Variants in MED24 observed in about 807,000 individuals in gnomAD.
The protein encoded by MED24 is mediator of RNA polymerase II transcription subunit 24.
Under a neutral mutation model 118.8 loss-of-function variants are expected in MED24, and 74 were observed. The ratio of observed to expected loss-of-function variants is 0.62; its 90% CI spans 0.52 to 0.76. MED24 has a LOEUF of 0.76. Among genes scored for constraint, MED24 ranks in the 30% least tolerant of loss-of-function variants. The pLI, the probability that MED24 is intolerant of heterozygous loss-of-function variation, is 0.00. For synonymous variants in MED24, 521 were observed against 523.9 expected (o/e 0.99, Z 0.08); for missense variants, 1,041 against 1,278.9 (o/e 0.81, Z 2.84).
At chr17:40,021,613 C>T (rs540803475) in intron 23 of MED24, among the ~76,000 whole-genome samples, 1 of 152,308 alleles carries the variant, frequency 6.6e-6, no homozygotes, top group East Asian at 1.9e-4. Context: ...GCTGGTGAGT[C>T]AATGGCACAG....
intron 16 of MED24, 141 bp from the exon 17 acceptor site, chr17:40,027,175 C>T: frequency 8.5e-7 from 1 of 1,179,814 alleles, no homozygotes. Flanking sequence ...CTAAGGGAGC[C>T]AGACGGGGGC....
intron 24 of MED24, 42 bp downstream of exon 24, chr17:40,020,231 C>A: frequency 6.8e-7 from 1 of 1,468,704 alleles, no homozygotes; most frequent in South Asian, 1.4e-5. Context: ...AGAGACTCGT[C>A]CAGCTTAGCC....
chr17:40,045,665 G>A (rs185426531), intron 3 of MED24, among the ~76,000 whole-genome samples: 233 of 152,042 alleles, frequency 1.5e-3, no homozygotes, highest in South Asian at 2.7e-3. Context: ...CGCACCTGTA[G>A]TCCAAGCTAC....
intron 20 of MED24, 59 bp from the exon 21 acceptor site, chr17:40,022,885 C>T: frequency 2.5e-6 from 4 of 1,569,012 alleles, no homozygotes; most frequent in South Asian, 2.3e-5. Context: ...GGGGCTCCTA[C>T]ACCCTGCCAC....
chr17:40,044,875 T>C (rs1178732058), intron 3 of MED24, among the ~76,000 whole-genome samples: 2 of 116,878 alleles, frequency 1.7e-5, no homozygotes, highest in African/African-American at 7.4e-5. Flanking sequence ...CGAGACTCCA[T>C]CTCAAAAAAA....
intron 13 of MED24, 31 bp downstream of exon 13, chr17:40,029,717 G>C: frequency 6.3e-7 from 1 of 1,582,956 alleles, no homozygotes; most frequent in Non-Finnish European, 8.7e-7. Flanking sequence ...AGAAAGAGAA[G>C]ACTGTGGTGG....
intron 12 of MED24, among the ~76,000 whole-genome samples, chr17:40,030,537 A>G (rs1598345514): frequency 6.6e-6 from 1 of 151,710 alleles, no homozygotes; most frequent in South Asian, 2.1e-4. Context: ...CTCGTGATCC[A>G]CCCGCCTTGG....
At chr17:40,032,987 G>A in intron 8 of MED24, 69 bp downstream of exon 8, 3 of 1,587,594 alleles carry the variant, frequency 1.9e-6, no homozygotes, top group South Asian at 2.2e-5. Flanking sequence ...AGAACCAGAA[G>A]AATCCTCCCT....
intron 3 of MED24, among the ~76,000 whole-genome samples, chr17:40,050,151 CAAAA>C (rs530636875): frequency 4.0e-5 from 3 of 74,094 alleles, no homozygotes. Context: ...AACTCCGTCT[CAAAA>C]AAAAAAAAAA....
chr17:40,041,283 G>C (rs1984537909), intron 3 of MED24, among the ~76,000 whole-genome samples: 1 of 152,052 alleles, frequency 6.6e-6, no homozygotes. Context: ...GGCTTTTCTT[G>C]ATAACACTCT....
Position 40,031,576 on chromosome 17 carries a change from C to T in MED24, c.1029G>A (p.Lys343=). 1 of 1,614,130 alleles carries T rather than the reference C, an allele frequency of 6.2e-7. No individual in the cohort carries two copies. The highest frequency in any genetic ancestry group is 1.3e-5 in the African/African-American group (1 of 75,024). The change falls in exon 11 of 26, where the codon AAG becomes AAA. Residue 343 remains lysine, a synonymous_variant. Coordinates refer to ENST00000394128, the MANE Select transcript of MED24 (RefSeq NM_014815.4). ...CAGCTTTGTCCAACAAGGGGGTGAG[C>T]TTCAGCAGGAACTCAAAAGCACAGT... ...DVNCAFEFLL[K]LTPLLDKADQ... is the part of the protein sequence containing the mutation.
At chr17:40,021,805 C>G in intron 23 of MED24, 150 bp downstream of exon 23, 5 of 587,398 alleles carry the variant, frequency 8.5e-6, no homozygotes, top group Non-Finnish European at 1.5e-5. Context: ...GGACACAGAG[C>G]ACCCCCTTGG....
At chr17:40,027,696 G>A (rs375505054) in intron 15 of MED24, 117 of 673,516 alleles carry the variant, frequency 1.7e-4, no homozygotes, top group East Asian at 1.7e-3. Flanking sequence ...GTAAAGGGAT[G>A]AGGGGGGGAA....
intron 15 of MED24, 194 bp downstream of exon 15, chr17:40,027,715 A>G: frequency 1.4e-6 from 1 of 697,702 alleles, no homozygotes; most frequent in Non-Finnish European, 2.4e-6. Flanking sequence ...AAGGAGACAC[A>G]GGGATGGTCT....
In MED24 at chr17:40,027,884, C is replaced by G. The variant is rs778597885; in HGVS notation, c.1447+25G>C. On this transcript the variant is annotated intron_variant, in intron 15 of 25. Transcript: ENST00000394128. The stretch of plus-strand genomic sequence containing the variant: ...CACCCCTCCTCAGGGCCCACTGGGC[C>G]TGCGGATGCACAGGGCTGACTTACT... 7 of 1,611,610 alleles carry G rather than the reference C, an allele frequency of 4.3e-6. No individual in the cohort carries two copies. The East Asian group carries it at 1.6e-4, about 36-fold the overall frequency.
chr17:40,050,255 C>A (rs1462186945), intron 3 of MED24, among the ~76,000 whole-genome samples: 2 of 151,630 alleles, frequency 1.3e-5, no homozygotes, highest in Non-Finnish European at 2.9e-5. Flanking sequence ...TCGAGACCAG[C>A]CTGGCCAACA....
At chr17:40,053,762 A>C in intron 1 of MED24, 127 bp from the exon 2 acceptor site, 1 of 1,239,816 alleles carries the variant, frequency 8.1e-7, no homozygotes, top group Non-Finnish European at 1.1e-6. Flanking sequence ...ATTTGAAAGA[A>C]AAAGAGCTAA....
chr17:40,050,245 T>A lies in MED24; in HGVS notation c.213+3053A>T, dbSNP rs140535728. ...GAGCGGATCACCTGAGGTCAGGAGTTCGAGACCAGCCTGGCCAACACAGTA... is the reference window on the plus strand; with the variant it reads ...GAGCGGATCACCTGAGGTCAGGAGTACGAGACCAGCCTGGCCAACACAGTA... On this transcript the variant is annotated intron_variant, in intron 3 of 25. Coordinates refer to ENST00000394128, the MANE Select transcript of MED24 (RefSeq NM_014815.4). 9.0e-3 allele frequency among the ~76,000 whole-genome samples: 1,355 copies of A among 150,908 alleles called. 11 individuals are homozygous for A. Among genetic ancestry groups the A allele is most frequent in the Middle Eastern group, 0.031 (9 of 286 alleles).
At chr17:40,041,586 T>C (rs1984568403) in intron 3 of MED24, among the ~76,000 whole-genome samples, 1 of 152,172 alleles carries the variant, frequency 6.6e-6, no homozygotes, top group Non-Finnish European at 1.5e-5. Context: ...CACAGTCTTC[T>C]TAAATTTAAA....
Sources: allele counts gnomAD v4.1 joint callset (sites outside exome capture counted in the v4.1 genomes callset), GRCh38; gene constraint gnomAD v4.1.1; transcripts MANE v1.5; gene names NCBI Gene and HGNC (gene_info 2026-07-23, HGNC 2026-07-21).